Variants in SLC17A4 observed in about 807,000 individuals in gnomAD.
SLC17A4 encodes probable small intestine urate exporter.
SLC17A4 carries 33 observed loss-of-function variants against 52.5 expected under a neutral mutation model. The observed-to-expected ratio is 0.63, with a 90% confidence interval of 0.48 to 0.84. SLC17A4 has a LOEUF of 0.84. Among genes scored for constraint, SLC17A4 ranks in the 40% least tolerant of loss-of-function variants. The probability of loss-of-function intolerance (pLI) is 0.00; values close to 1 mark genes in which losing one functional copy is unlikely to be tolerated. For synonymous variants in SLC17A4, 225 were observed against 216.2 expected (o/e 1.04, Z -0.36); for missense variants, 585 against 597.1 (o/e 0.98, Z 0.21).
At chr6:25,772,354 C>T in intron 6 of SLC17A4, among the ~76,000 whole-genome samples, 1 of 152,130 alleles carries the variant, frequency 6.6e-6, no homozygotes, top group East Asian at 1.9e-4. Context: ...TGATTATGTT[C>T]CTTGATGGCA....
At chr6:25,757,907 CTGTCTTT>C (rs988362344) in intron 1 of SLC17A4, among the ~76,000 whole-genome samples, 5 of 152,202 alleles carry the variant, frequency 3.3e-5, no homozygotes, top group African/African-American at 1.2e-4. Flanking sequence ...GCAGTCCGCC[CTGTCTTT>C]TGGGGTCGTG....
intron 2 of SLC17A4, among the ~76,000 whole-genome samples, chr6:25,762,940 C>T (rs374945174): frequency 2.0e-5 from 3 of 152,074 alleles, no homozygotes; most frequent in Non-Finnish European, 2.9e-5. Context: ...ATTAATAATA[C>T]GAAGAACTTA....
chr6:25,761,584 T>C (rs1761535940), intron 1 of SLC17A4, among the ~76,000 whole-genome samples: 1 of 152,230 alleles, frequency 6.6e-6, no homozygotes, highest in African/African-American at 2.4e-5. Flanking sequence ...ATCTCCTAGA[T>C]GAAATTTCAA....
intron 1 of SLC17A4, among the ~76,000 whole-genome samples, chr6:25,757,620 T>C (rs1761136969): frequency 6.6e-6 from 1 of 152,130 alleles, no homozygotes; most frequent in Non-Finnish European, 1.5e-5. Context: ...TCTTGATCCC[T>C]TTCTCTGTCA....
At chr6:25,754,724 A>G (rs1040307585), upstream of SLC17A4, 7 of 152,234 alleles carry the variant, frequency 4.6e-5, no homozygotes, top group African/African-American at 1.7e-4. Flanking sequence ...AGACAATTGC[A>G]AAGAGCTTAG....
At chr6:25,767,329 AAGAAG>A (rs1762105314) in intron 2 of SLC17A4, among the ~76,000 whole-genome samples, 1 of 152,202 alleles carries the variant, frequency 6.6e-6, no homozygotes, top group South Asian at 2.1e-4. Context: ...TATTAAGAAT[AAGAAG>A]AGATCATCCC....
rs1762928255 is a variant in SLC17A4 at position 25,776,475 on chromosome 6, G to T, written c.988-120G>T. On this transcript the variant is annotated intron_variant, in intron 8 of 11. Transcript: ENST00000377905. ...GGCTCATTATAGTAACATGGAATTT[G>T]TATTAAAAGTGATGCGTATATAAAG... 5 of 1,187,954 alleles carry T rather than the reference G, an allele frequency of 4.2e-6. 1 individual carries two copies. In the South Asian group the frequency reaches 5.1e-5, roughly 12 times the overall value. The allele number at this position is 1,187,954 out of a possible 1,614,324, so 73.6% of individuals were successfully genotyped here.
chr6:25,766,950 C>T (rs940650780), intron 2 of SLC17A4, among the ~76,000 whole-genome samples: 1 of 152,118 alleles, frequency 6.6e-6, no homozygotes, highest in African/African-American at 2.4e-5. Context: ...ACTAAGAGAT[C>T]TGAATAAACT....
At chr6:25,762,638 A>G (rs1761644408) in intron 2 of SLC17A4, among the ~76,000 whole-genome samples, 3 of 152,164 alleles carry the variant, frequency 2.0e-5, no homozygotes, top group African/African-American at 7.2e-5. Flanking sequence ...AAAAGGCAAA[A>G]CCCTAACCAA....
intron 6 of SLC17A4, among the ~76,000 whole-genome samples, chr6:25,773,030 A>C (rs1289789714): frequency 2.6e-5 from 4 of 152,362 alleles, no homozygotes; most frequent in South Asian, 4.1e-4. Flanking sequence ...AAGTTTAAAA[A>C]AATCCTTTTT....
At chr6:25,767,123 C>T (rs1762087317) in intron 2 of SLC17A4, among the ~76,000 whole-genome samples, 1 of 151,976 alleles carries the variant, frequency 6.6e-6, no homozygotes, top group Non-Finnish European at 1.5e-5. Flanking sequence ...AGAAAAATGG[C>T]TATGTACCTA....
chr6:25,773,733 C>A, intron 8 of SLC17A4, 59 bp downstream of exon 8: 1 of 1,554,278 alleles, frequency 6.4e-7, no homozygotes, highest in South Asian at 1.2e-5. Flanking sequence ...AATGAGAGCT[C>A]ATATATAATC....
chr6:25,769,061 C>T lies in SLC17A4; in HGVS notation c.168C>T (p.Asn56=), dbSNP rs760591686. The T allele has an allele frequency of 1.2e-6, 2 of 1,613,988 alleles. No individual in the cohort carries two copies. Among genetic ancestry groups the T allele is most frequent in the South Asian group, 1.1e-5 (1 of 91,082 alleles). ...TTTCAATTTACACCCAACAAATGAA[C>T]TTGAGCATTGCCATCCCAGCTATGG... ...CNFSIYTQQM[N]LSIAIPAMVN... is the part of the protein sequence containing the mutation. Residue 56 remains asparagine, a synonymous_variant, in exon 3 of 12, where the codon AAC becomes AAT. Coordinates refer to ENST00000377905, the MANE Select transcript of SLC17A4 (RefSeq NM_005495.3).
chr6:25,773,369 C>G lies in SLC17A4; in HGVS notation c.801C>G (p.Tyr267Ter). The G allele has an allele frequency of 6.2e-7, 1 of 1,613,798 alleles. No homozygotes were observed. ...TTATCAGTGCTGGTGAGAAGAGATA[C>G]ATTGTGTGTTCATTGGCTCAGCAGG... is the stretch of plus-strand genomic sequence containing the variant. ...HPFISAGEKR[Y>*]IVCSLAQQDC... The change falls in exon 7 of 12, where the codon TAC becomes TAG. Residue 267 changes from tyrosine (Y) to a stop codon, truncating the protein, a stop_gained. Transcript: ENST00000377905. LOFTEE classifies it high-confidence loss of function.
chr6:25,776,317 C>A (rs979287742), intron 8 of SLC17A4, among the ~76,000 whole-genome samples: 35 of 151,522 alleles, frequency 2.3e-4, no homozygotes, highest in African/African-American at 8.5e-4. Flanking sequence ...TCTGTTATTA[C>A]CCTTTGCCTA....
intron 6 of SLC17A4, among the ~76,000 whole-genome samples, chr6:25,771,886 A>G (rs995238444): frequency 2.1e-4 from 32 of 152,218 alleles, no homozygotes; most frequent in Admixed American, 1.7e-3. Flanking sequence ...TTCCAGAGGC[A>G]GTATTTTACT....
chr6:25,766,662 G>A (rs1404658391), intron 2 of SLC17A4, among the ~76,000 whole-genome samples: 3 of 152,090 alleles, frequency 2.0e-5, no homozygotes, highest in African/African-American at 7.2e-5. Flanking sequence ...TTACCTCCAT[G>A]GCCTTCCTCT....
Position 25,775,126 on chromosome 6 carries a change from T to G in SLC17A4, c.987+1452T>G, listed in dbSNP as rs142097054. On this transcript the variant is annotated intron_variant, in intron 8 of 11. Coordinates refer to ENST00000377905, the MANE Select transcript of SLC17A4 (RefSeq NM_005495.3). ...AGGTGGATCATCTGAGGTCAGGTGT[T>G]TGAGACCAGCCTGGCCAACATGGTG... 1.1e-3 allele frequency among the ~76,000 whole-genome samples: 172 copies of G among 152,200 alleles called. 1 individual carries two copies. The East Asian group carries it at 0.03, about 27-fold the overall frequency.
chr6:25,778,196 T>C (rs774440836), intron 11 of SLC17A4, among the ~76,000 whole-genome samples, 180 bp downstream of exon 11: 26 of 152,078 alleles, frequency 1.7e-4, no homozygotes, highest in Non-Finnish European at 2.9e-4. Context: ...AGAATCTTAC[T>C]GGTATAAACT....
Sources: gnomAD v4.1 joint callset for allele counts (sites outside exome capture counted in the v4.1 genomes callset) on GRCh38, gnomAD v4.1.1 for gene constraint, MANE v1.5 for transcripts, NCBI Gene and HGNC (gene_info 2026-07-23, HGNC 2026-07-21) for gene names.